Variants in LRRC4C observed in about 807,000 individuals in gnomAD.
LRRC4C encodes the protein leucine-rich repeat-containing protein 4C.
A neutral mutation model predicts 33.6 loss-of-function variants in LRRC4C; 5 were observed. The ratio of observed to expected loss-of-function variants is 0.15; its 90% CI spans 0.08 to 0.31. The LOEUF is 0.31. Ranked by LOEUF, LRRC4C falls within the 10% of genes least tolerant of loss-of-function variation. The probability of loss-of-function intolerance (pLI) is 1.00; values close to 1 mark genes in which losing one functional copy is unlikely to be tolerated. For synonymous variants in LRRC4C, 329 were observed against 302.0 expected (o/e 1.09, Z -0.93); for missense variants, 560 against 796.7 (o/e 0.70, Z 3.58).
intron 3 of LRRC4C, among the ~76,000 whole-genome samples, chr11:40,591,015 G>A (rs917534654): frequency 1.3e-5 from 2 of 152,168 alleles, no homozygotes; most frequent in Non-Finnish European, 2.9e-5. Context: ...CCCAGTTGGA[G>A]CTTCCTGGCT....
chr11:40,809,500 C>T (rs1591778207), intron 2 of LRRC4C, among the ~76,000 whole-genome samples: 1 of 152,058 alleles, frequency 6.6e-6, no homozygotes, highest in South Asian at 2.1e-4. Context: ...CCTCTGTGTC[C>T]TACCTATATC....
chr11:40,404,016 G>A (rs1470572258), intron 3 of LRRC4C, among the ~76,000 whole-genome samples: 1 of 152,116 alleles, frequency 6.6e-6, no homozygotes, highest in Non-Finnish European at 1.5e-5. Context: ...TCTAGGCATG[G>A]CCATGTGCCT....
At chr11:40,724,532 A>G (rs1003390031) in intron 2 of LRRC4C, among the ~76,000 whole-genome samples, 1 of 151,792 alleles carries the variant, frequency 6.6e-6, no homozygotes, top group Non-Finnish European at 1.5e-5. Context: ...AAATTAAAGC[A>G]GAAATAAAAA....
At chr11:40,431,707 G>A (rs1420839001) in intron 3 of LRRC4C, among the ~76,000 whole-genome samples, 3 of 152,118 alleles carry the variant, frequency 2.0e-5, no homozygotes, top group African/African-American at 7.2e-5. Context: ...TACGCATCAT[G>A]CTTTTCTCAT....
chr11:40,925,101 G>A (rs935281223), intron 2 of LRRC4C, among the ~76,000 whole-genome samples: 2 of 151,246 alleles, frequency 1.3e-5, no homozygotes, highest in Non-Finnish European at 2.9e-5. Flanking sequence ...AGTGACCAGC[G>A]GGAGGAGCCA....
chr11:40,687,682 A>G (rs1339583695), intron 2 of LRRC4C, among the ~76,000 whole-genome samples: 2 of 152,128 alleles, frequency 1.3e-5, no homozygotes, highest in African/African-American at 2.4e-5. Flanking sequence ...TCTTGCTATG[A>G]TTGATGCATG....
At chr11:40,315,858 C>T (rs1190332447) in intron 4 of LRRC4C, among the ~76,000 whole-genome samples, 4 of 151,958 alleles carry the variant, frequency 2.6e-5, no homozygotes, top group Admixed American at 1.3e-4. Flanking sequence ...CTTAACACTA[C>T]AGGATGTTTT....
chr11:41,025,272 T>C (rs1001879162), intron 1 of LRRC4C, among the ~76,000 whole-genome samples: 15 of 151,610 alleles, frequency 9.9e-5, no homozygotes, highest in Admixed American at 6.6e-5. Context: ...ATAGATATGT[T>C]AAAAGCTAGG....
chr11:40,311,943 CAAA>C (rs368014390), intron 4 of LRRC4C, among the ~76,000 whole-genome samples: 3 of 61,992 alleles, frequency 4.8e-5, no homozygotes, highest in African/African-American at 6.1e-5. Flanking sequence ...GACTCTGTCT[CAAA>C]AAAAAAAAAA....
chr11:40,348,998 C>A (rs1423136807), intron 3 of LRRC4C, among the ~76,000 whole-genome samples: 2 of 152,110 alleles, frequency 1.3e-5, no homozygotes, highest in African/African-American at 4.8e-5. Context: ...TACTTTGAAA[C>A]AGGCATATAA....
intron 3 of LRRC4C, among the ~76,000 whole-genome samples, chr11:40,520,380 T>C (rs1394813377): frequency 6.6e-6 from 1 of 152,198 alleles, no homozygotes; most frequent in African/African-American, 2.4e-5. Flanking sequence ...CAGCTTTGGA[T>C]TTAAAGTGAG....
chr11:40,206,255 G>A (rs1271484945), intron 5 of LRRC4C, among the ~76,000 whole-genome samples: 2 of 151,948 alleles, frequency 1.3e-5, no homozygotes, highest in Non-Finnish European at 2.9e-5. Context: ...TTTCTTTTGA[G>A]ATGGAGTCTC....
chr11:40,861,815 G>A (rs371712120), intron 2 of LRRC4C, among the ~76,000 whole-genome samples: 4 of 152,188 alleles, frequency 2.6e-5, no homozygotes, highest in Non-Finnish European at 5.9e-5. Flanking sequence ...GGAAAGTGAA[G>A]TGGGACCAGA....
At chr11:41,208,727 G>C (rs1946699128) in intron 1 of LRRC4C, among the ~76,000 whole-genome samples, 2 of 152,202 alleles carry the variant, frequency 1.3e-5, no homozygotes, top group Non-Finnish European at 2.9e-5. Context: ...AGACAATTCA[G>C]AGATCATCTG....
intron 1 of LRRC4C, among the ~76,000 whole-genome samples, chr11:41,367,693 A>G (rs759506414): frequency 6.6e-6 from 1 of 151,968 alleles, no homozygotes; most frequent in African/African-American, 2.4e-5. Context: ...TCTTTTAGAC[A>G]CTCGGTATGG....
At chr11:40,512,284 G>C (rs1347317903) in intron 3 of LRRC4C, among the ~76,000 whole-genome samples, 1 of 152,130 alleles carries the variant, frequency 6.6e-6, no homozygotes, top group Non-Finnish European at 1.5e-5. Context: ...TGAGGTGAGA[G>C]AATTGCTTCA....
chr11:40,994,583 T>A (rs996422615), intron 1 of LRRC4C, among the ~76,000 whole-genome samples: 4 of 152,164 alleles, frequency 2.6e-5, no homozygotes, highest in African/African-American at 7.2e-5. Flanking sequence ...TTTCCCCTAC[T>A]ACCAGAAATT....
chr11:40,343,362 T>C (rs1285985305), intron 3 of LRRC4C, among the ~76,000 whole-genome samples: 1 of 151,770 alleles, frequency 6.6e-6, no homozygotes, highest in Non-Finnish European at 1.5e-5. Context: ...TATATACACA[T>C]AAATATTAAT....
intron 3 of LRRC4C, among the ~76,000 whole-genome samples, chr11:40,591,253 C>T (rs896890944): frequency 1.4e-4 from 21 of 152,216 alleles, no homozygotes; most frequent in South Asian, 6.2e-4. Flanking sequence ...AGGTGCCATC[C>T]GTCACCCCTT....
Sources: gnomAD v4.1 joint callset for allele counts (sites outside exome capture counted in the v4.1 genomes callset) on GRCh38, gnomAD v4.1.1 for gene constraint, MANE v1.5 for transcripts, NCBI Gene and HGNC (gene_info 2026-07-23, HGNC 2026-07-21) for gene names.